The following GMDS variants were observed in gnomAD, a reference collection of about 807,000 sequenced individuals.
GMDS encodes the protein GDP-mannose 4,6-dehydratase, also known as GDP-mannose 4,6 dehydratase.
Under a neutral mutation model 49.9 loss-of-function variants are expected in GMDS, and 20 were observed. That is an observed-to-expected ratio of 0.40 (90% CI 0.28 to 0.58). GMDS has a LOEUF of 0.58. Ranked by LOEUF, GMDS falls within the 20% of genes least tolerant of loss-of-function variation. The pLI is 0.42. For missense variants in GMDS, 362 were observed against 481.4 expected (o/e 0.75, Z 2.32); for synonymous variants, 177 against 178.6 (o/e 0.99, Z 0.07).
chr6:1,627,416 G>A lies in GMDS; in HGVS notation c.988-2876C>T, dbSNP rs748667433. On this transcript the variant is annotated intron_variant, in intron 9 of 10. Coordinates refer to ENST00000380815, the MANE Select transcript of GMDS (RefSeq NM_001500.4). ...CTTCCTCTGGGCTGAGAAGGAATTA[G>A]GTGGTGGCAAATGCTCATACAACGG... Among the ~76,000 whole-genome samples the A allele has an allele frequency of 4.1e-4, 62 of 152,294 alleles. No individual in the cohort carries two copies. The Middle Eastern group carries it at 0.02, about 50-fold the overall frequency.
chr6:2,066,204 C>T (rs1242892583), intron 4 of GMDS, among the ~76,000 whole-genome samples: 6 of 143,476 alleles, frequency 4.2e-5, no homozygotes, highest in South Asian at 2.2e-4. Flanking sequence ...AAATACTTTA[C>T]AGACAAGCAA....
intron 9 of GMDS, among the ~76,000 whole-genome samples, chr6:1,710,899 G>A (rs528701285): frequency 3.9e-5 from 6 of 152,256 alleles, no homozygotes; most frequent in East Asian, 1.9e-4. Context: ...ACTACATATC[G>A]TCAGAAATTA....
At chr6:1,689,143 ATATATAT>A (rs1765084172) in intron 9 of GMDS, among the ~76,000 whole-genome samples, 1 of 152,174 alleles carries the variant, frequency 6.6e-6, no homozygotes, top group Non-Finnish European at 1.5e-5. Flanking sequence ...GTTGTGTCAG[ATATATAT>A]TTTTAACCAT....
At chr6:1,919,265 C>G (rs1761587302) in intron 7 of GMDS, among the ~76,000 whole-genome samples, 1 of 152,204 alleles carries the variant, frequency 6.6e-6, no homozygotes, top group South Asian at 2.1e-4. Context: ...CCTCACTTTT[C>G]TCTCTATAGT....
At chr6:1,988,101 T>C (rs1765676947) in intron 4 of GMDS, among the ~76,000 whole-genome samples, 1 of 152,208 alleles carries the variant, frequency 6.6e-6, no homozygotes, top group Admixed American at 6.5e-5. Flanking sequence ...TAACATATAC[T>C]ATTTTCTTTA....
At chr6:2,088,557 A>G (rs1773141341) in intron 4 of GMDS, among the ~76,000 whole-genome samples, 1 of 152,128 alleles carries the variant, frequency 6.6e-6, no homozygotes, top group Non-Finnish European at 1.5e-5. Flanking sequence ...TAGTTTCCTG[A>G]TCTCTCTTTT....
At chr6:2,168,301 C>A (rs897757343) in intron 1 of GMDS, among the ~76,000 whole-genome samples, 7 of 152,216 alleles carry the variant, frequency 4.6e-5, no homozygotes, top group African/African-American at 1.7e-4. Context: ...TTACCAACAA[C>A]AGCATCCAAA....
At chr6:2,152,268 T>C (rs985720653) in intron 1 of GMDS, among the ~76,000 whole-genome samples, 2 of 152,198 alleles carry the variant, frequency 1.3e-5, no homozygotes, top group African/African-American at 4.8e-5. Flanking sequence ...AGGCACTTTA[T>C]AGGCCAATTT....
chr6:1,647,477 T>G (rs1053422858), intron 9 of GMDS, among the ~76,000 whole-genome samples: 12 of 152,138 alleles, frequency 7.9e-5, no homozygotes, highest in African/African-American at 2.4e-4. Flanking sequence ...AAATAAGAAT[T>G]AATACCTTCA....
chr6:1,983,872 A>G (rs766561485), intron 4 of GMDS, among the ~76,000 whole-genome samples: 4 of 152,250 alleles, frequency 2.6e-5, no homozygotes, highest in Non-Finnish European at 5.9e-5. Flanking sequence ...ATTACTGGGT[A>G]TACATTCAAA....
At chr6:2,171,639 G>A (rs1056794619) in intron 1 of GMDS, among the ~76,000 whole-genome samples, 1 of 152,164 alleles carries the variant, frequency 6.6e-6, no homozygotes, top group African/African-American at 2.4e-5. Context: ...CTTGCTGCAG[G>A]TGGGTGGATA....
At chr6:2,092,275 T>C (rs1394584520) in intron 4 of GMDS, among the ~76,000 whole-genome samples, 5 of 152,172 alleles carry the variant, frequency 3.3e-5, no homozygotes, top group Admixed American at 2.0e-4. Context: ...TAAGCTGTGC[T>C]GTTCCCTGAA....
intron 9 of GMDS, among the ~76,000 whole-genome samples, chr6:1,700,266 C>G (rs764474279): frequency 8.5e-5 from 13 of 152,170 alleles, no homozygotes; most frequent in Non-Finnish European, 1.6e-4. Context: ...TTCTCAATTA[C>G]TCTGCGAAAG....
intron 7 of GMDS, among the ~76,000 whole-genome samples, chr6:1,776,439 G>A (rs1187684568): frequency 6.6e-6 from 1 of 151,958 alleles, no homozygotes; most frequent in Admixed American, 6.6e-5. Context: ...TGTAATCTCA[G>A]TGCTTTGGGG....
At chr6:2,185,158 CTAAGCAG>C (rs1024108387) in intron 1 of GMDS, among the ~76,000 whole-genome samples, 9 of 152,218 alleles carry the variant, frequency 5.9e-5, no homozygotes, top group Admixed American at 4.6e-4. Flanking sequence ...CAGCACTTAG[CTAAGCAG>C]TGAAGTATGC....
Position 2,115,728 on chromosome 6 carries a change from G to A in GMDS, c.345+43C>T, listed in dbSNP as rs11963303. 5,967 of 992,340 alleles carry A rather than the reference G, an allele frequency of 6.0e-3. 222 individuals are homozygous for A. The African/African-American group carries it at 0.073, about 12-fold the overall frequency. 61.5% of individuals were successfully genotyped at this position (992,340 alleles called of 1,614,324 possible). A position where few individuals can be genotyped will look rare whatever the true frequency, so the allele number is the denominator to read the frequency against. On this transcript the variant is annotated intron_variant, in intron 4 of 10. Transcript: ENST00000380815. Reference sequence around the variant, plus strand: ...AGCAGACACAAGTAAAATACAGAACGCCACAGAAACACGGCCAGAGAAATC... The same window carrying A: ...AGCAGACACAAGTAAAATACAGAACACCACAGAAACACGGCCAGAGAAATC...
At chr6:1,970,334 T>A (rs1181898877) in intron 4 of GMDS, among the ~76,000 whole-genome samples, 2 of 152,318 alleles carry the variant, frequency 1.3e-5, no homozygotes, top group South Asian at 2.1e-4. Context: ...TTACGTTCCA[T>A]CATGAACCAG....
chr6:1,676,908 C>T (rs1013353227), intron 9 of GMDS, among the ~76,000 whole-genome samples: 7 of 152,138 alleles, frequency 4.6e-5, no homozygotes, highest in South Asian at 2.1e-4. Flanking sequence ...AAAGCAATGG[C>T]AACAAAAGCC....
chr6:2,169,448 G>A (rs1458149602), intron 1 of GMDS, among the ~76,000 whole-genome samples: 1 of 151,720 alleles, frequency 6.6e-6, no homozygotes, highest in Non-Finnish European at 1.5e-5. Context: ...TCTCTACTCA[G>A]AACACAAAAA....
Sources: allele counts gnomAD v4.1 joint callset (sites outside exome capture counted in the v4.1 genomes callset), GRCh38; gene constraint gnomAD v4.1.1; transcripts MANE v1.5; gene names NCBI Gene and HGNC (gene_info 2026-07-23, HGNC 2026-07-21).